Variants in OTULIN observed in about 807,000 individuals in gnomAD.
The protein encoded by OTULIN is OTU deubiquitinase with linear linkage specificity, also known as ubiquitin thioesterase otulin.
OTULIN carries 15 observed loss-of-function variants against 39.6 expected under a neutral mutation model. The observed-to-expected ratio is 0.38, with a 90% CI of 0.25 to 0.58. The LOEUF is 0.58. Among genes scored for constraint, OTULIN ranks in the 20% least tolerant of loss-of-function variants. OTULIN has a pLI of 0.66. For missense variants in OTULIN, 319 were observed against 445.9 expected (o/e 0.72, Z 2.56); for synonymous variants, 156 against 170.3 (o/e 0.92, Z 0.65).
At chr5:14,682,460 T>C (rs1046051757) in intron 4 of OTULIN, among the ~76,000 whole-genome samples, 1 of 152,088 alleles carries the variant, frequency 6.6e-6, no homozygotes, top group African/African-American at 2.4e-5. Context: ...AGATGATCAT[T>C]AGCATTTTTT....
chr5:14,695,774 A>G lies in OTULIN; in HGVS notation c.*2726A>G, dbSNP rs1245951110. 1 of 152,248 alleles carries G rather than the reference A, an allele frequency of 6.6e-6. No individual in the cohort carries two copies. The highest frequency in any genetic ancestry group is 1.9e-4 in the East Asian group (1 of 5,202). The allele number at this position is 152,248 out of a possible 1,614,324, so 9.4% of individuals were successfully genotyped here. ...TTAGAGAACAAGAAACCAGTAATAC[A>G]TGGTCTCTAACTGATGATTCGGGCC... On this transcript the variant is annotated 3_prime_UTR_variant, in exon 7 of 7. Transcript: ENST00000284274.
chr5:14,675,405 C>T (rs1482005836), intron 2 of OTULIN, among the ~76,000 whole-genome samples: 1 of 152,230 alleles, frequency 6.6e-6, no homozygotes, highest in East Asian at 1.9e-4. Context: ...GAACTCTTCA[C>T]TGTGGTAGCC....
chr5:14,671,112 G>GTTTCC (rs1735968567), intron 1 of OTULIN, among the ~76,000 whole-genome samples: 1 of 152,050 alleles, frequency 6.6e-6, no homozygotes. Flanking sequence ...TCTGCTGTTT[G>GTTTCC]TTTCCTTTCC....
intron 1 of OTULIN, among the ~76,000 whole-genome samples, chr5:14,667,066 A>G (rs896942007): frequency 2.0e-5 from 3 of 152,188 alleles, no homozygotes; most frequent in African/African-American, 2.4e-5. Context: ...ATGCAGAGGA[A>G]TTATTTAAAA....
chr5:14,672,130 A>AGG (rs1335526512), intron 1 of OTULIN, among the ~76,000 whole-genome samples: 7 of 152,184 alleles, frequency 4.6e-5, no homozygotes, highest in Non-Finnish European at 1.0e-4. Context: ...GGCAGGGGGC[A>AGG]GGTCAGGAGT....
intron 1 of OTULIN, among the ~76,000 whole-genome samples, chr5:14,668,714 A>G (rs1383570325): frequency 6.6e-6 from 1 of 152,260 alleles, no homozygotes; most frequent in Non-Finnish European, 1.5e-5. Flanking sequence ...TAAAAAGTTC[A>G]TAATGGTGAG....
At chr5:14,712,576 C>G in the OTULIN span, among the ~76,000 whole-genome samples, 2 of 152,274 alleles carry the variant, frequency 1.3e-5, no homozygotes. Context: ...CAAAGCAAGC[C>G]ATAGGCTGAA....
At chr5:14,669,238 G>A (rs755840327) in intron 1 of OTULIN, among the ~76,000 whole-genome samples, 4 of 152,012 alleles carry the variant, frequency 2.6e-5, no homozygotes, top group East Asian at 1.9e-4. Flanking sequence ...GGTGGCAGAC[G>A]CCTGTAATCC....
chr5:14,668,503 G>A (rs1286142210), intron 1 of OTULIN, among the ~76,000 whole-genome samples: 1 of 152,210 alleles, frequency 6.6e-6, no homozygotes, highest in African/African-American at 2.4e-5. Context: ...TGGGTTGAGT[G>A]GTCTTTGCTT....
the OTULIN span, chr5:14,710,941 C>T: frequency 2.2e-6 from 1 of 459,336 alleles, no homozygotes; most frequent in Admixed American, 3.3e-5. Context: ...TTTGGGTTTT[C>T]GTGAGGCAGG....
At chr5:14,677,401 A>T (rs1198515943) in intron 2 of OTULIN, among the ~76,000 whole-genome samples, 1 of 152,214 alleles carries the variant, frequency 6.6e-6, no homozygotes, top group Non-Finnish European at 1.5e-5. Context: ...CAACTTGCTC[A>T]GGAGTAAATA....
downstream of OTULIN, among the ~76,000 whole-genome samples, chr5:14,700,805 A>G (rs187245633): frequency 1.0e-3 from 153 of 152,232 alleles, 1 homozygote; most frequent in African/African-American, 3.0e-3. Context: ...ACATAATTCA[A>G]TCGGAGACCT....
In OTULIN at chr5:14,699,468, C is replaced by T. The variant is rs1246509694; in HGVS notation, c.*6420C>T. On this transcript the variant is annotated 3_prime_UTR_variant, in exon 7 of 7. Coordinates refer to ENST00000284274, the MANE Select transcript of OTULIN (RefSeq NM_138348.6). ...AGAAAGACCTCCCCACTGTGAACAACAAACCACTTTCCTCCTCCAGTGGCC... is the reference window on the plus strand; with the variant it reads ...AGAAAGACCTCCCCACTGTGAACAATAAACCACTTTCCTCCTCCAGTGGCC... 6.6e-6 allele frequency: 1 copy of T among 152,250 alleles called. No homozygotes were observed. The highest frequency in any genetic ancestry group is 2.4e-5 in the African/African-American group (1 of 41,454). 9.4% of individuals were successfully genotyped at this position (152,250 alleles called of 1,614,324 possible). A position where few individuals can be genotyped will look rare whatever the true frequency, so the allele number is the denominator to read the frequency against.
At chr5:14,710,137 C>A in the OTULIN span, 2 of 152,268 alleles carry the variant, frequency 1.3e-5, no homozygotes, top group South Asian at 2.1e-4. Flanking sequence ...GAGGGAAGTA[C>A]CGTAGTACAT....
At chr5:14,716,155 A>G in the OTULIN span, among the ~76,000 whole-genome samples, 6 of 152,326 alleles carry the variant, frequency 3.9e-5, no homozygotes, top group East Asian at 5.8e-4. Flanking sequence ...TCCACATGCT[A>G]TCCTTTCAGG....
chr5:14,695,360 A>G lies in OTULIN; in HGVS notation c.*2312A>G, dbSNP rs1455389583. The G allele has an allele frequency of 6.6e-6, 1 of 152,224 alleles. No homozygotes were observed. Among genetic ancestry groups the G allele is most frequent in the Non-Finnish European group, 1.5e-5 (1 of 68,036 alleles). The allele number at this position is 152,224 out of a possible 1,614,324, so 9.4% of individuals were successfully genotyped here. ...CTTGAGCTGGTCAGGTGACATCAGC[A>G]GATTAGAAGTTGAATGGAGATTAAG... On this transcript the variant is annotated 3_prime_UTR_variant, in exon 7 of 7. Coordinates refer to ENST00000284274, the MANE Select transcript of OTULIN (RefSeq NM_138348.6).
At position 14,682,332 on chromosome 5, in the gene OTULIN, A is replaced by G. The variant is rs143389322; in HGVS notation, c.468+725A>G. On this transcript the variant is annotated intron_variant, in intron 4 of 6. Transcript: ENST00000284274. Reference sequence around the variant, plus strand: ...ATCTAAAATAAAAGTTGAATTGCAAAAAAAGAAATGGCCACAGCCACCCAA... The same window carrying G: ...ATCTAAAATAAAAGTTGAATTGCAAGAAAAGAAATGGCCACAGCCACCCAA... Among the ~76,000 whole-genome samples the G allele has an allele frequency of 6.0e-3, 912 of 152,320 alleles. 3 individuals are homozygous for G. The highest frequency in any genetic ancestry group is 0.021 in the African/African-American group (853 of 41,562).
chr5:14,702,674 G>A (rs551933084), downstream of OTULIN, among the ~76,000 whole-genome samples: 29 of 152,256 alleles, frequency 1.9e-4, no homozygotes, highest in African/African-American at 3.6e-4. Context: ...CATCAGGGGC[G>A]GTGGAGATAC....
the OTULIN span, chr5:14,711,156 C>G: frequency 6.6e-7 from 1 of 1,504,964 alleles, no homozygotes; most frequent in South Asian, 1.1e-5. Context: ...GAAGTGTCAT[C>G]CTGACTGACT....
Sources: gnomAD v4.1 joint callset for allele counts (sites outside exome capture counted in the v4.1 genomes callset) on GRCh38, gnomAD v4.1.1 for gene constraint, MANE v1.5 for transcripts, NCBI Gene and HGNC (gene_info 2026-07-23, HGNC 2026-07-21) for gene names.